The following IGSF11 variants were observed in gnomAD, a reference collection of about 807,000 sequenced individuals.
IGSF11 encodes CXADR like 1.
In IGSF11, 22 loss-of-function variants were observed where a neutral mutation model predicts 41.0. That is an observed-to-expected ratio of 0.54 (90% CI 0.38 to 0.77). The LOEUF (loss-of-function observed/expected upper bound fraction) is 0.77, where lower values mean the gene tolerates loss of function less well. Among genes scored for constraint, IGSF11 ranks in the 30% least tolerant of loss-of-function variants. The pLI, the probability that IGSF11 is intolerant of heterozygous loss-of-function variation, is 0.00. For missense variants in IGSF11, 444 were observed against 530.8 expected, an observed-to-expected ratio of 0.84 and a Z score of 1.61; for synonymous variants, 219 against 201.3, an observed-to-expected ratio of 1.09 and a Z score of -0.74.
At chr3:119,061,930 T>G (rs2107454408) in intron 1 of IGSF11, among the ~76,000 whole-genome samples, 1 of 152,300 alleles carries the variant, frequency 6.6e-6, no homozygotes, top group East Asian at 1.9e-4. Flanking sequence ...GCTTTTGCAT[T>G]TGACCTTCTA....
Position 119,066,538 on chromosome 3 carries a change from C to A in IGSF11, c.49+38606G>T, listed in dbSNP as rs549895102. ...AGTAGTGTGCTGGAGCAGCTCATACCAGCTTGTCAGAGCCAATTGTTAAAT... is the reference window on the plus strand; with the variant it reads ...AGTAGTGTGCTGGAGCAGCTCATACAAGCTTGTCAGAGCCAATTGTTAAAT... On this transcript the variant is annotated intron_variant, in intron 1 of 6. Transcript: ENST00000354673. Among the ~76,000 whole-genome samples the A allele has an allele frequency of 2.6e-5, 4 of 152,224 alleles. No individual in the cohort carries two copies. In the South Asian group the frequency reaches 8.3e-4, roughly 32 times the overall value.
intron 1 of IGSF11, among the ~76,000 whole-genome samples, chr3:119,077,636 T>A (rs1398182835): frequency 1.3e-5 from 2 of 152,060 alleles, no homozygotes; most frequent in Non-Finnish European, 2.9e-5. Flanking sequence ...GAATGCCTAC[T>A]CTCAACTCTC....
intron 1 of IGSF11, among the ~76,000 whole-genome samples, chr3:119,043,645 C>A (rs1335489585): frequency 6.6e-6 from 1 of 152,196 alleles, no homozygotes; most frequent in East Asian, 1.9e-4. Context: ...AGGACTCCCA[C>A]AGAGTTCACA....
chr3:118,984,187 A>C (rs1935028728), intron 1 of IGSF11, among the ~76,000 whole-genome samples: 1 of 151,064 alleles, frequency 6.6e-6, no homozygotes, highest in Non-Finnish European at 1.5e-5. Context: ...AAAAAAAAAC[A>C]GACATTTGCC....
upstream of IGSF11, among the ~76,000 whole-genome samples, chr3:119,108,901 G>T (rs879814263): frequency 0.041 from 4,851 of 119,342 alleles, 94 homozygotes; most frequent in Middle Eastern, 0.078. Flanking sequence ...TTATTGATTT[G>T]CATATATTGA....
intron 1 of IGSF11, among the ~76,000 whole-genome samples, chr3:119,010,049 G>A (rs1937918471): frequency 6.6e-6 from 1 of 152,188 alleles, no homozygotes; most frequent in Non-Finnish European, 1.5e-5. Flanking sequence ...AGGGAAAAGA[G>A]ATGGAAAGAC....
intron 1 of IGSF11, among the ~76,000 whole-genome samples, chr3:119,083,207 G>A (rs184827460): frequency 3.6e-4 from 53 of 147,552 alleles, no homozygotes; most frequent in Non-Finnish European, 4.1e-4. Flanking sequence ...ATCTTGCTGC[G>A]GCCTCGACTT....
chr3:118,946,260 A>G (rs1944130911), intron 1 of IGSF11, among the ~76,000 whole-genome samples: 1 of 143,582 alleles, frequency 7.0e-6, no homozygotes, highest in South Asian at 2.3e-4. Flanking sequence ...GGAAAAATGA[A>G]TTCAGTAATG....
At chr3:118,919,516 T>C (rs1159841475) in intron 4 of IGSF11, among the ~76,000 whole-genome samples, 1 of 124,130 alleles carries the variant, frequency 8.1e-6, no homozygotes, top group African/African-American at 3.2e-5. Context: ...AAAATGCTCA[T>C]CATCACTGGC....
At chr3:118,903,957 T>C (rs1055063495) in intron 6 of IGSF11, among the ~76,000 whole-genome samples, 5 of 152,014 alleles carry the variant, frequency 3.3e-5, no homozygotes, top group African/African-American at 1.2e-4. Context: ...CCCTGAGCAA[T>C]GGGAAAATGC....
Position 119,029,660 on chromosome 3 carries a change from G to A in IGSF11, c.52+4871C>T, listed in dbSNP as rs1220731302. 4.6e-5 allele frequency among the ~76,000 whole-genome samples: 7 copies of A among 152,212 alleles called. No homozygotes were observed. The East Asian group carries it at 1.3e-3, about 29-fold the overall frequency. On this transcript the variant is annotated intron_variant, in intron 1 of 6. Transcript: ENST00000393775. ...AATACAGAAGAGAGTGGTTTTATGA[G>A]TGTGACTGCTGTGAACAGTGAAACT...
intron 1 of IGSF11, chr3:118,947,885 T>C (rs1944277041): frequency 6.6e-6 from 1 of 152,246 alleles, no homozygotes; most frequent in Non-Finnish European, 1.5e-5. Flanking sequence ...GCTCCAACTT[T>C]TGTTGGTAAG....
intron 4 of IGSF11, among the ~76,000 whole-genome samples, chr3:118,916,067 G>C (rs1399630089): frequency 1.3e-5 from 2 of 149,416 alleles, no homozygotes; most frequent in South Asian, 2.2e-4. Context: ...GAGAGATTTT[G>C]TCACCACCAA....
At chr3:119,091,399 C>T (rs951553026) in intron 1 of IGSF11, among the ~76,000 whole-genome samples, 1 of 152,160 alleles carries the variant, frequency 6.6e-6, no homozygotes, top group African/African-American at 2.4e-5. Context: ...AAGACATATT[C>T]ATTTGTATTG....
At chr3:118,984,987 T>C (rs1220404103) in intron 1 of IGSF11, among the ~76,000 whole-genome samples, 1 of 152,176 alleles carries the variant, frequency 6.6e-6, no homozygotes, top group Non-Finnish European at 1.5e-5. Context: ...GGCATTTACA[T>C]TTATCCCTTC....
chr3:118,967,950 G>C (rs1398558000), intron 1 of IGSF11, among the ~76,000 whole-genome samples: 4 of 152,066 alleles, frequency 2.6e-5, no homozygotes, highest in African/African-American at 9.6e-5. Context: ...TGTGACACAG[G>C]GTAGTTTCCA....
intron 1 of IGSF11, among the ~76,000 whole-genome samples, chr3:119,034,140 T>G (rs916017287): frequency 1.3e-5 from 2 of 152,356 alleles, no homozygotes; most frequent in Admixed American, 1.3e-4. Context: ...TTAAAAGCAC[T>G]TCTAGTTTTC....
intron 1 of IGSF11, among the ~76,000 whole-genome samples, chr3:118,969,466 G>C (rs956203573): frequency 6.6e-6 from 1 of 152,110 alleles, no homozygotes; most frequent in Non-Finnish European, 1.5e-5. Flanking sequence ...GGAAAACAGC[G>C]GGAACAATGA....
At chr3:119,041,325 T>C (rs1576715391) in intron 1 of IGSF11, among the ~76,000 whole-genome samples, 2 of 152,200 alleles carry the variant, frequency 1.3e-5, no homozygotes, top group Admixed American at 6.5e-5. Context: ...CTCACGCCTA[T>C]AATCTCAGCA....
Sources: allele counts gnomAD v4.1 joint callset (sites outside exome capture counted in the v4.1 genomes callset), GRCh38; gene constraint gnomAD v4.1.1; transcripts MANE v1.5; gene names NCBI Gene and HGNC (gene_info 2026-07-23, HGNC 2026-07-21).